The following ADAMTS19 variants were observed in gnomAD, a reference collection of about 807,000 sequenced individuals.
The protein encoded by ADAMTS19 is ADAM metallopeptidase with thrombospondin type 1 motif 19.
In ADAMTS19, 93 loss-of-function variants were observed where a neutral mutation model predicts 153.3. The observed-to-expected ratio is 0.61, with a 90% confidence interval of 0.51 to 0.72. The LOEUF (loss-of-function observed/expected upper bound fraction) is 0.72, where lower values mean the gene tolerates loss of function less well. ADAMTS19 is among the 30% of genes least tolerant of loss of function. ADAMTS19 has a pLI of 0.00. For synonymous variants in ADAMTS19, 600 were observed against 556.6 expected (o/e 1.08, Z -1.10); for missense variants, 1,482 against 1,552.1 (o/e 0.95, Z 0.76).
At position 129,669,981 on chromosome 5, in the gene ADAMTS19, G is replaced by T. The variant is rs565445417; in HGVS notation, c.2506+4402G>T. On this transcript the variant is annotated intron_variant, in intron 16 of 22. Transcript: ENST00000274487. ...AGCATAGATAGATATGTGGTGGGGGGTTGTTATTCAGCTCATCATATTCAC... is the reference window on the plus strand; with the variant it reads ...AGCATAGATAGATATGTGGTGGGGGTTTGTTATTCAGCTCATCATATTCAC... 6.4e-4 allele frequency among the ~76,000 whole-genome samples: 98 copies of T among 152,124 alleles called. 1 individual carries two copies. Among genetic ancestry groups the T allele is most frequent in the Admixed American group, 6.3e-3 (97 of 15,276 alleles).
intron 6 of ADAMTS19, among the ~76,000 whole-genome samples, chr5:129,537,857 C>T (rs550400940): frequency 2.6e-5 from 4 of 152,034 alleles, no homozygotes; most frequent in African/African-American, 7.2e-5. Context: ...AGCACACCAA[C>T]ATGGCACATG....
chr5:129,597,785 C>T (rs1470769856), intron 8 of ADAMTS19, among the ~76,000 whole-genome samples: 2 of 151,568 alleles, frequency 1.3e-5, no homozygotes, highest in Admixed American at 6.6e-5. Flanking sequence ...GCCTGTAGTC[C>T]CAGCTACTGG....
chr5:129,729,498 C>T (rs1757346993), intron 21 of ADAMTS19, among the ~76,000 whole-genome samples: 1 of 151,626 alleles, frequency 6.6e-6, no homozygotes, highest in Admixed American at 6.6e-5. Context: ...AAATTAGATT[C>T]TAAGGCTAAA....
chr5:129,546,447 C>G (rs540440834), intron 6 of ADAMTS19, among the ~76,000 whole-genome samples: 1 of 150,226 alleles, frequency 6.7e-6, no homozygotes, highest in Non-Finnish European at 1.5e-5. Flanking sequence ...GACCCATCTT[C>G]GTGGGACTGT....
chr5:129,617,145 T>A (rs1751568401), intron 8 of ADAMTS19, among the ~76,000 whole-genome samples: 1 of 152,058 alleles, frequency 6.6e-6, no homozygotes, highest in African/African-American at 2.4e-5. Flanking sequence ...TTCAAACCTG[T>A]AGAGTCAGGA....
chr5:129,582,626 G>T (rs1009381903), intron 7 of ADAMTS19, among the ~76,000 whole-genome samples: 3 of 152,032 alleles, frequency 2.0e-5, no homozygotes, highest in Admixed American at 6.6e-5. Flanking sequence ...AGGCTGGAGT[G>T]CAATGGCATG....
chr5:129,663,242 A>C (rs25806), intron 15 of ADAMTS19, among the ~76,000 whole-genome samples: 25,257 of 151,998 alleles, frequency 0.17, 2,360 homozygotes, highest in East Asian at 0.3. Flanking sequence ...TTTGTTAAAA[A>C]CTATGACCAT....
In ADAMTS19 at chr5:129,509,138, C is replaced by T; in HGVS notation, c.809C>T (p.Ala270Val). The T allele has an allele frequency of 1.9e-6, 3 of 1,611,918 alleles. No homozygotes were observed. The highest frequency in any genetic ancestry group is 2.5e-6 in the Non-Finnish European group (3 of 1,178,608). ...IFIEPLNDTM[A>V]ITGHPHRVYR... ...ATTGAGCCACTCAATGATACAATGG[C>T]CATAACAGGTCACCCACACCGTGTA... Residue 270 changes from alanine to valine, a missense_variant, in exon 3 of 23, where the codon GCC becomes GTC. Transcript: ENST00000274487.
chr5:129,482,968 G>T (rs1028313801), intron 2 of ADAMTS19, among the ~76,000 whole-genome samples: 1 of 152,020 alleles, frequency 6.6e-6, no homozygotes, highest in African/African-American at 2.4e-5. Flanking sequence ...ACAAAATTTT[G>T]CTCATATAAT....
At position 129,461,682 on chromosome 5, in the gene ADAMTS19, A is replaced by C; in HGVS notation, c.672A>C (p.Ala224=). 6.3e-7 allele frequency: 1 copy of C among 1,579,092 alleles called. No individual in the cohort carries two copies. The highest frequency in any genetic ancestry group is 8.6e-7 in the Non-Finnish European group (1 of 1,168,454). The change falls in exon 2 of 23, where the codon GCA becomes GCC. Residue 224 remains alanine, a synonymous_variant. Coordinates refer to ENST00000274487, the MANE Select transcript of ADAMTS19 (RefSeq NM_133638.6). This position sits in a 1 kb window ranked among gnomAD's most constrained non-coding sequence, Gnocchi z 4.6. ...CGCAACCTCCCGCGCCACCAGACGC[A>C]GGCTGCTTCTACACCGGAGCTGTGC... The part of the protein sequence containing the change: ...SAPQPPAPPD[A]GCFYTGAVLR...
intron 6 of ADAMTS19, among the ~76,000 whole-genome samples, chr5:129,537,082 A>G (rs1219727524): frequency 6.6e-6 from 1 of 152,006 alleles, no homozygotes; most frequent in African/African-American, 2.4e-5. Flanking sequence ...AAAAGAAAAA[A>G]GAAAAAAACA....
chr5:129,706,305 C>T (rs1756148470), intron 21 of ADAMTS19, among the ~76,000 whole-genome samples: 1 of 152,182 alleles, frequency 6.6e-6, no homozygotes, highest in Non-Finnish European at 1.5e-5. Flanking sequence ...CGCAGTGGCT[C>T]ACGCCTGTAA....
In ADAMTS19 at chr5:129,577,124, C is replaced by A. The variant is rs547835073; in HGVS notation, c.1373-19435C>A. ...AAGTGTTCACTAATCCTAATTCCTC[C>A]TCACCTGCCATCAGAGAGAAGCCTT... is the stretch of plus-strand genomic sequence containing the variant. On this transcript the variant is annotated intron_variant, in intron 7 of 22. Coordinates refer to ENST00000274487, the MANE Select transcript of ADAMTS19 (RefSeq NM_133638.6). Among the ~76,000 whole-genome samples, 4 of 152,216 alleles carry A rather than the reference C, an allele frequency of 2.6e-5. No individual in the cohort carries two copies. The South Asian group carries it at 8.3e-4, about 32-fold the overall frequency.
At chr5:129,470,495 G>C (rs1750026004) in intron 2 of ADAMTS19, among the ~76,000 whole-genome samples, 1 of 152,178 alleles carries the variant, frequency 6.6e-6, no homozygotes, top group Non-Finnish European at 1.5e-5. Flanking sequence ...ATTTGATGCA[G>C]AGTGCATTTA....
chr5:129,548,509 T>G (rs543117453), intron 6 of ADAMTS19, among the ~76,000 whole-genome samples: 10 of 152,012 alleles, frequency 6.6e-5, no homozygotes, highest in African/African-American at 2.4e-4. Flanking sequence ...TGGCAATCAT[T>G]AAAAAGTCAG....
At chr5:129,646,813 G>GT (rs1456860561) in intron 11 of ADAMTS19, among the ~76,000 whole-genome samples, 1 of 152,044 alleles carries the variant, frequency 6.6e-6, no homozygotes, top group Non-Finnish European at 1.5e-5. Flanking sequence ...CAACCTCATC[G>GT]TTATACAATC....
intron 2 of ADAMTS19, among the ~76,000 whole-genome samples, chr5:129,498,866 T>C (rs1751012319): frequency 6.6e-6 from 1 of 151,704 alleles, no homozygotes; most frequent in South Asian, 2.1e-4. Context: ...ATTTCTTAAG[T>C]GTATTTTTCT....
chr5:129,654,539 A>G (rs997914155), intron 14 of ADAMTS19, 106 bp downstream of exon 14: 1 of 1,281,306 alleles, frequency 7.8e-7, no homozygotes, highest in South Asian at 1.4e-5. Context: ...GATTCAAAAG[A>G]TGTTGCTATA....
At chr5:129,583,394 T>C (rs1342664993) in intron 7 of ADAMTS19, among the ~76,000 whole-genome samples, 1 of 152,098 alleles carries the variant, frequency 6.6e-6, no homozygotes, top group Non-Finnish European at 1.5e-5. Context: ...TGTCTTGGGG[T>C]TGCTGTCCTT....
Sources: gnomAD v4.1 joint callset for allele counts (sites outside exome capture counted in the v4.1 genomes callset) on GRCh38, gnomAD v4.1.1 for gene constraint, Gnocchi (gnomAD v3.1) non-coding constraint, MANE v1.5 for transcripts, NCBI Gene and HGNC (gene_info 2026-07-23, HGNC 2026-07-21) for gene names.